Variants in IGFL4 observed in about 807,000 individuals in gnomAD.
IGFL4 encodes the protein insulin growth factor-like family member 4.
IGFL4 carries 12 observed loss-of-function variants against 15.4 expected under a neutral mutation model. That is an observed-to-expected ratio of 0.78 (90% CI 0.50 to 1.26). IGFL4 has a LOEUF of 1.26. IGFL4 is among the 50% of genes most tolerant of loss of function. The probability of loss-of-function intolerance (pLI) is 0.00; values close to 1 mark genes in which losing one functional copy is unlikely to be tolerated. For synonymous variants in IGFL4, 54 were observed against 55.9 expected (o/e 0.97, Z 0.16); for missense variants, 126 against 147.8 (o/e 0.85, Z 0.76).
At chr19:46,049,832 GCCACCT>G (rs1052536954) in intron 2 of IGFL4, among the ~76,000 whole-genome samples, 2 of 152,146 alleles carry the variant, frequency 1.3e-5, no homozygotes, top group Non-Finnish European at 2.9e-5. Context: ...TCTTAAAAGC[GCCACCT>G]CCTGGCTGGA....
upstream of IGFL4, among the ~76,000 whole-genome samples, chr19:46,045,864 TC>T (rs1448481190): frequency 2.0e-5 from 3 of 152,030 alleles, no homozygotes; most frequent in Admixed American, 1.3e-4. Context: ...CAGGAGAACT[TC>T]CCCAAACTTG....
intron 1 of IGFL4, among the ~76,000 whole-genome samples, chr19:46,068,817 A>G (rs961938505): frequency 3.3e-5 from 5 of 152,238 alleles, no homozygotes; most frequent in Non-Finnish European, 5.9e-5. Flanking sequence ...TTCTGGCCCC[A>G]TGTCAGCCTC....
upstream of IGFL4, among the ~76,000 whole-genome samples, chr19:46,045,211 G>A (rs560076313): frequency 5.7e-4 from 87 of 152,200 alleles, no homozygotes; most frequent in African/African-American, 1.7e-3. Flanking sequence ...TTGGGAGGCC[G>A]AGGCAGGTGG....
chr19:46,068,405 A>G (rs1023529426), intron 1 of IGFL4, among the ~76,000 whole-genome samples: 1 of 152,240 alleles, frequency 6.6e-6, no homozygotes, highest in Non-Finnish European at 1.5e-5. Flanking sequence ...ACAAGACTGA[A>G]TGCAAACATG....
chr19:46,053,840 T>C lies in IGFL4; in HGVS notation c.-323+6345A>G, dbSNP rs150933261. 6.1e-3 allele frequency among the ~76,000 whole-genome samples: 928 copies of C among 152,312 alleles called. 14 individuals carry two copies. The highest frequency in any genetic ancestry group is 0.022 in the African/African-American group (895 of 41,554). ...ACTCAGGTGAGATGATACCTCATTATGGTTTTAATTTGCATTTCCCTGATG... is the reference window on the plus strand; with the variant it reads ...ACTCAGGTGAGATGATACCTCATTACGGTTTTAATTTGCATTTCCCTGATG... On this transcript the variant is annotated intron_variant, in intron 2 of 5. Coordinates refer to the IGFL4 transcript ENST00000601672.
Position 46,039,864 on chromosome 19 carries a change from A to G in IGFL4, c.*28T>C. ...TTACCAAGTATTAGATTCTAGAGTGATCTGTGACTCTGCTACCCCAGAACA... is the reference window on the plus strand; with the variant it reads ...TTACCAAGTATTAGATTCTAGAGTGGTCTGTGACTCTGCTACCCCAGAACA... On this transcript the variant is annotated 3_prime_UTR_variant, in exon 4 of 4. Coordinates refer to ENST00000377697, the MANE Select transcript of IGFL4 (RefSeq NM_001002923.3). The G allele has an allele frequency of 6.4e-7, 1 of 1,567,284 alleles. No homozygotes were observed. The highest frequency in any genetic ancestry group is 8.8e-7 in the Non-Finnish European group (1 of 1,137,412).
upstream of IGFL4, among the ~76,000 whole-genome samples, chr19:46,042,620 T>C (rs904923704): frequency 3.4e-4 from 52 of 152,316 alleles, 1 homozygote; most frequent in African/African-American, 1.2e-3. Context: ...AACAAGCTCT[T>C]TTTAGATTCA....
At chr19:46,041,575 T>C (rs1433998428), upstream of IGFL4, among the ~76,000 whole-genome samples, 1 of 149,780 alleles carries the variant, frequency 6.7e-6, no homozygotes. Context: ...GGATTCCAGA[T>C]AGGAAAGCAG....
chr19:46,064,212 G>T (rs1351356167), intron 1 of IGFL4, among the ~76,000 whole-genome samples: 1 of 151,702 alleles, frequency 6.6e-6, no homozygotes, highest in Admixed American at 6.6e-5. Flanking sequence ...TATTTATGGG[G>T]TACATGAGAT....
chr19:46,051,721 C>T (rs1042022554), intron 2 of IGFL4, among the ~76,000 whole-genome samples: 14 of 152,064 alleles, frequency 9.2e-5, no homozygotes, highest in African/African-American at 3.4e-4. Context: ...CAACCAAGTG[C>T]GTGGCTGTCT....
At position 46,064,194 on chromosome 19, in the gene IGFL4, G is replaced by A. The variant is rs144064030; in HGVS notation, c.-431-3901C>T. Reference sequence around the variant, plus strand: ...TTTTAATATTTGTGGGTACATAGTAGGTGTATATATTTATGGGGTACATGA... The same window carrying A: ...TTTTAATATTTGTGGGTACATAGTAAGTGTATATATTTATGGGGTACATGA... On this transcript the variant is annotated intron_variant, in intron 1 of 5. Coordinates refer to the IGFL4 transcript ENST00000601672. Among the ~76,000 whole-genome samples the A allele has an allele frequency of 1.1e-3, 163 of 151,764 alleles. 1 individual carries two copies. The highest frequency in any genetic ancestry group is 3.8e-3 in the African/African-American group (155 of 41,308).
At chr19:46,050,526 T>C (rs1185368545) in intron 2 of IGFL4, among the ~76,000 whole-genome samples, 1 of 152,136 alleles carries the variant, frequency 6.6e-6, no homozygotes, top group Non-Finnish European at 1.5e-5. Context: ...CAAAATGCAC[T>C]GGAAAGTCTC....
rs1323301045 is a variant in IGFL4, at chr19:46,046,218, C to T, written c.-322-5108G>A. On this transcript the variant is annotated intron_variant, in intron 2 of 5. Coordinates refer to the IGFL4 transcript ENST00000601672. ...CAGACAAGCAAATGCTGTGGGAATT[C>T]GTCACCACCAAGCCTGCCTTGCAAG... Among the ~76,000 whole-genome samples the T allele has an allele frequency of 5.3e-5, 8 of 152,150 alleles. No individual in the cohort carries two copies. In the South Asian group the frequency reaches 6.2e-4, roughly 12 times the overall value.
rs1049501801 is a variant in IGFL4, at chr19:46,040,561, G to A, written c.27C>T (p.Ile9=). ...TTGAACCCAAAAGTTCAAAAATGAA[G>A]ATGGCAGCTGAGAAGCAGAAGGAGA... MVPRISAA[I]FIFELLGSNS... The change falls in exon 2 of 4, where the codon ATC becomes ATT. Residue 9 remains isoleucine (I), a synonymous_variant. Coordinates refer to ENST00000377697, the MANE Select transcript of IGFL4 (RefSeq NM_001002923.3). This position sits in a 1 kb window ranked among gnomAD's most constrained non-coding sequence, Gnocchi z 4.1. The A allele has an allele frequency of 1.9e-6, 3 of 1,613,910 alleles. No homozygotes were observed. In the African/African-American group the frequency reaches 4.0e-5, roughly 22 times the overall value.
rs777769015 is a variant in IGFL4, at chr19:46,071,251, A to G, written c.-432+5769T>C. ...AGTCAGCAAAGTTCAGGGGCTCAGT[A>G]TGCACTGAATGAGGACACAAGTCTT... On this transcript the variant is annotated intron_variant, in intron 1 of 5. Transcript: ENST00000601672. Among the ~76,000 whole-genome samples the G allele has an allele frequency of 4.6e-5, 7 of 151,898 alleles. No individual in the cohort carries two copies. In the South Asian group the frequency reaches 1.5e-3, roughly 32 times the overall value.
chr19:46,071,338 A>G lies in IGFL4; in HGVS notation c.-432+5682T>C, dbSNP rs541263990. Among the ~76,000 whole-genome samples the G allele has an allele frequency of 1.0e-3, 155 of 152,224 alleles. 1 individual carries two copies. Among genetic ancestry groups the G allele is most frequent in the African/African-American group, 3.6e-3 (149 of 41,526 alleles). On this transcript the variant is annotated intron_variant, in intron 1 of 5. Coordinates refer to the IGFL4 transcript ENST00000601672. ...AAGACACAGCCTCTCTGCAAGCACA[A>G]TACTCTTCCCTGAAAGGCCACCCTC...
upstream of IGFL4, among the ~76,000 whole-genome samples, chr19:46,045,090 A>T (rs1247267131): frequency 1.3e-5 from 2 of 152,234 alleles, no homozygotes; most frequent in Non-Finnish European, 2.9e-5. Flanking sequence ...GTACCTCTCC[A>T]GCAAGGGCAC....
intron 2 of IGFL4, chr19:46,058,979 A>G (rs1286847516): frequency 6.6e-6 from 1 of 152,200 alleles, no homozygotes; most frequent in Non-Finnish European, 1.5e-5. Flanking sequence ...TTGCTATGGA[A>G]TTTGTAAACT....
chr19:46,045,642 C>T (rs367796305), upstream of IGFL4, among the ~76,000 whole-genome samples: 3 of 151,930 alleles, frequency 2.0e-5, no homozygotes, highest in South Asian at 6.2e-4. Context: ...GTATCAGTTA[C>T]AGAATAGTTC....
Sources: allele counts gnomAD v4.1 joint callset (sites outside exome capture counted in the v4.1 genomes callset), GRCh38; gene constraint gnomAD v4.1.1; non-coding constraint Gnocchi (gnomAD v3.1); transcripts MANE v1.5; gene names NCBI Gene and HGNC (gene_info 2026-07-23, HGNC 2026-07-21).